ACSM6: variants seen among roughly 807,000 people sequenced by gnomAD.
ACSM6 encodes acyl-CoA synthetase medium chain family member 6.
In ACSM6, 35 loss-of-function variants were observed where a neutral mutation model predicts 51.1. The observed-to-expected ratio is 0.69, with a 90% CI of 0.52 to 0.91. The LOEUF is 0.91. Among genes scored for constraint, ACSM6 ranks in the 40% least tolerant of loss-of-function variants. The probability of loss-of-function intolerance (pLI) is 0.00; values close to 1 mark genes in which losing one functional copy is unlikely to be tolerated. For missense variants in ACSM6, 509 were observed against 584.1 expected, an observed-to-expected ratio of 0.87 and a Z score of 1.32; for synonymous variants, 172 against 207.3, an observed-to-expected ratio of 0.83 and a Z score of 1.46.
chr10:95,215,308 T>C (rs1318101131), intron 8 of ACSM6, among the ~76,000 whole-genome samples: 1 of 152,180 alleles, frequency 6.6e-6, no homozygotes, highest in African/African-American at 2.4e-5. Flanking sequence ...TGTTTAAAAT[T>C]ATCACTGCTG....
At chr10:95,204,799 G>A (rs2034826905) in intron 3 of ACSM6, among the ~76,000 whole-genome samples, 1 of 152,054 alleles carries the variant, frequency 6.6e-6, no homozygotes, top group South Asian at 2.1e-4. Context: ...TTCTGAATAT[G>A]ACACCAGATA....
exon 3 of ACSM6, chr10:95,201,989 G>T: frequency 1.3e-6 from 2 of 1,551,460 alleles, no homozygotes; most frequent in Non-Finnish European, 1.7e-6. Context: ...GCCTAGGACG[G>T]ACTCAGAGGG....
At chr10:95,227,369 T>C (rs1175087428) in intron 10 of ACSM6, among the ~76,000 whole-genome samples, 2 of 152,226 alleles carry the variant, frequency 1.3e-5, no homozygotes, top group African/African-American at 4.8e-5. Context: ...AAAATTTTGG[T>C]TACTTCCAAT....
intron 9 of ACSM6, among the ~76,000 whole-genome samples, chr10:95,223,283 C>T (rs1283915260): frequency 6.6e-6 from 1 of 151,886 alleles, no homozygotes; most frequent in African/African-American, 2.4e-5. Flanking sequence ...ACAAACTCTC[C>T]CCAAAAACAT....
chr10:95,209,793 A>G (rs2133381038), intron 4 of ACSM6, among the ~76,000 whole-genome samples: 1 of 152,138 alleles, frequency 6.6e-6, no homozygotes, highest in East Asian at 1.9e-4. Context: ...TATAAACTGT[A>G]TACTCTTTTC....
intron 8 of ACSM6, among the ~76,000 whole-genome samples, chr10:95,216,772 A>C (rs946205584): frequency 1.3e-5 from 2 of 152,178 alleles, no homozygotes; most frequent in Non-Finnish European, 2.9e-5. Flanking sequence ...TGGAAAGGTA[A>C]CTGATGAAGA....
chr10:95,197,889 C>T (rs1047384576), intron 2 of ACSM6, among the ~76,000 whole-genome samples: 16 of 152,214 alleles, frequency 1.1e-4, no homozygotes, highest in African/African-American at 3.1e-4. Context: ...GAAGTCCCTG[C>T]GGCTTTCCGC....
chr10:95,227,436 CTT>C (rs1469071219), intron 10 of ACSM6, among the ~76,000 whole-genome samples: 4 of 152,168 alleles, frequency 2.6e-5, no homozygotes, highest in Non-Finnish European at 4.4e-5. Context: ...TTAAATGCCT[CTT>C]TGAGTATCTC....
At position 95,228,689 on chromosome 10, in the gene ACSM6, C is replaced by T. The variant is rs2035064858; in HGVS notation, c.1348C>T (p.Leu450Phe). 3 of 1,551,646 alleles carry T rather than the reference C, an allele frequency of 1.9e-6. No individual in the cohort carries two copies. In the African/African-American group the frequency reaches 4.1e-5, roughly 21 times the overall value. Residue 450 changes from leucine to phenylalanine, a missense_variant, in exon 11 of 11, where the codon CTC becomes TTC. Leu to Phe is a conservative substitution (Grantham distance 22). Coordinates refer to ENST00000341686, the Ensembl canonical transcript of ACSM6. ...TTCAGCAAGAGGCCACATGCTTTAC[C>T]TCACAGGTGACAGAGGGATCATGGA... is the stretch of plus-strand genomic sequence containing the variant.
In ACSM6 at chr10:95,214,986, G is replaced by T; in HGVS notation, c.1119+11G>T. On this transcript the variant is annotated intron_variant, in intron 8 of 10. Coordinates refer to ENST00000341686, the Ensembl canonical transcript of ACSM6. ...GGGCAGACGGAAACTGTAGGTTGAT[G>T]CTGACTCACTATTTAGCCAGAAACC... The T allele has an allele frequency of 6.4e-7, 1 of 1,551,196 alleles. No individual in the cohort carries two copies.
intron 3 of ACSM6, among the ~76,000 whole-genome samples, 166 bp from the exon 4 acceptor site, chr10:95,207,042 T>G (rs934966835): frequency 2.6e-5 from 4 of 152,202 alleles, no homozygotes; most frequent in African/African-American, 4.8e-5. Flanking sequence ...GTCTCCTGCC[T>G]GTCTCAGTTT....
chr10:95,226,716 T>A (rs1206850577), intron 10 of ACSM6, among the ~76,000 whole-genome samples: 3 of 152,226 alleles, frequency 2.0e-5, no homozygotes, highest in Non-Finnish European at 4.4e-5. Context: ...TAACTACTTT[T>A]AAAATATTTA....
chr10:95,213,996 T>C (rs1270486448), intron 7 of ACSM6, among the ~76,000 whole-genome samples: 2 of 152,210 alleles, frequency 1.3e-5, no homozygotes, highest in African/African-American at 4.8e-5. Context: ...TTCCATCTCA[T>C]ATAAAATGTT....
chr10:95,200,386 T>C (rs1049031974), intron 2 of ACSM6, among the ~76,000 whole-genome samples: 12 of 149,950 alleles, frequency 8.0e-5, no homozygotes, highest in African/African-American at 2.4e-4. Flanking sequence ...TTGGGTGATA[T>C]ACCTAATGCT....
chr10:95,199,474 TG>T (rs1318341366), intron 2 of ACSM6, among the ~76,000 whole-genome samples: 21 of 151,976 alleles, frequency 1.4e-4, no homozygotes, highest in African/African-American at 5.1e-4. Context: ...CCAAAAGCAA[TG>T]GCAACAAAAG....
chr10:95,206,702 C>T lies in ACSM6; in HGVS notation c.404-506C>T, dbSNP rs114324365. On this transcript the variant is annotated intron_variant, in intron 3 of 10. Transcript: ENST00000341686. ...GCCTCTGGCACACAGATGCAACCAGCGTATGCCAGTCTCATAGGAGGTCCA... is the reference window on the plus strand; with the variant it reads ...GCCTCTGGCACACAGATGCAACCAGTGTATGCCAGTCTCATAGGAGGTCCA... 2.7e-3 allele frequency among the ~76,000 whole-genome samples: 413 copies of T among 152,262 alleles called. 1 individual carries two copies. The highest frequency in any genetic ancestry group is 9.3e-3 in the African/African-American group (386 of 41,560).
chr10:95,201,528 A>T (rs2034794085), intron 2 of ACSM6: 1 of 455,408 alleles, frequency 2.2e-6, no homozygotes, highest in East Asian at 6.9e-5. Context: ...TGTTGTATGT[A>T]TACCACATTG....
exon 9 of ACSM6, chr10:95,219,965 T>C (rs1463633688): frequency 6.2e-7 from 1 of 1,608,160 alleles, no homozygotes; most frequent in East Asian, 2.2e-5. Context: ...CACCTTATAT[T>C]GTCCAGGTAG....
At chr10:95,204,087 C>T (rs1264480022) in intron 3 of ACSM6, among the ~76,000 whole-genome samples, 1 of 152,098 alleles carries the variant, frequency 6.6e-6, no homozygotes, top group Non-Finnish European at 1.5e-5. Context: ...GTCTGGGTCA[C>T]CAGAAATTCT....
Sources: allele counts gnomAD v4.1 joint callset (sites outside exome capture counted in the v4.1 genomes callset), GRCh38; gene constraint gnomAD v4.1.1; transcripts MANE v1.5; gene names NCBI Gene and HGNC (gene_info 2026-07-23, HGNC 2026-07-21).